The following GML variants were observed in gnomAD, a reference collection of about 807,000 sequenced individuals.
GML encodes glycosylphosphatidylinositol anchored molecule like.
In GML, 5 loss-of-function variants were observed where a neutral mutation model predicts 8.2. The observed-to-expected ratio is 0.61, with a 90% CI of 0.32 to 1.28. GML has a LOEUF of 1.28. GML is among the 50% of genes most tolerant of loss of function. The pLI is 0.06. For synonymous variants in GML, 72 were observed against 69.0 expected (o/e 1.04, Z -0.22); for missense variants, 191 against 198.3 (o/e 0.96, Z 0.22).
intron 3 of GML, among the ~76,000 whole-genome samples, chr8:142,841,999 A>G (rs1245281629): frequency 2.6e-5 from 4 of 152,096 alleles, no homozygotes; most frequent in Non-Finnish European, 4.4e-5. Flanking sequence ...TGGTTTGGCT[A>G]TGTCCCCACC....
At chr8:142,844,622 G>C (rs1181171656) in intron 3 of GML, among the ~76,000 whole-genome samples, 1 of 152,114 alleles carries the variant, frequency 6.6e-6, no homozygotes, top group Non-Finnish European at 1.5e-5. Context: ...ACTGATCAAT[G>C]GAAATTTAAA....
At chr8:142,841,258 A>G in intron 3 of GML, 33 bp downstream of exon 3, 1 of 1,056,952 alleles carries the variant, frequency 9.5e-7, no homozygotes, top group Non-Finnish European at 1.5e-6. Context: ...GACACATTGT[A>G]GATTAGTCCC....
chr8:142,840,640 C>T (rs1212581335), intron 2 of GML, 130 bp downstream of exon 2: 5 of 684,928 alleles, frequency 7.3e-6, no homozygotes, highest in South Asian at 5.0e-5. Flanking sequence ...TCTGTGTAAT[C>T]AGGGGTGGGC....
chr8:142,843,291 CA>C (rs1563859573), intron 3 of GML, among the ~76,000 whole-genome samples: 7 of 137,316 alleles, frequency 5.1e-5, no homozygotes, highest in African/African-American at 1.7e-4. Context: ...CACACACACA[CA>C]CACACACCAT....
chr8:142,839,397 C>T (rs1009327181), intron 1 of GML, among the ~76,000 whole-genome samples: 2 of 152,322 alleles, frequency 1.3e-5, no homozygotes, highest in South Asian at 4.1e-4. Flanking sequence ...CAGGGTGGGG[C>T]AAAGTGGGTA....
intron 1 of GML, among the ~76,000 whole-genome samples, chr8:142,835,186 C>T (rs1816315957): frequency 1.4e-5 from 2 of 147,940 alleles, no homozygotes; most frequent in South Asian, 4.5e-4. Context: ...ACTGGGGGAC[C>T]TCTCGAGCTC....
rs1816507588 is a variant in GML, at chr8:142,846,652, A to G, written c.439A>G (p.Ser147Gly). The change falls in exon 4 of 4, where the codon AGT (serine) becomes GGT (glycine). Residue 147 changes from serine to glycine, a missense_variant. Transcript: ENST00000220940. ...VRLGVSKLLL[S>G]FASIIVSNIL... is the part of the protein sequence containing the mutation. ...GCTGGGGGTATCAAAACTGTTGCTG[A>G]GTTTTGCCTCTATCATAGTCAGCAA... 5.0e-6 allele frequency: 8 copies of G among 1,613,966 alleles called. No individual in the cohort carries two copies. The highest frequency in any genetic ancestry group is 6.8e-6 in the Non-Finnish European group (8 of 1,179,986).
chr8:142,846,018 A>G (rs1006641281), intron 3 of GML, among the ~76,000 whole-genome samples: 1 of 152,248 alleles, frequency 6.6e-6, no homozygotes, highest in Non-Finnish European at 1.5e-5. Context: ...TCTCTAGACC[A>G]TAAGTGAAAC....
chr8:142,844,292 A>G (rs1816475827), intron 3 of GML, among the ~76,000 whole-genome samples: 1 of 152,234 alleles, frequency 6.6e-6, no homozygotes. Context: ...TGCACCATAT[A>G]AAAGAAGCAG....
chr8:142,844,274 A>T (rs1053762656), intron 3 of GML, among the ~76,000 whole-genome samples: 1 of 152,258 alleles, frequency 6.6e-6, no homozygotes, highest in Non-Finnish European at 1.5e-5. Context: ...ATATTTATAC[A>T]CAATATCTGC....
At position 142,846,733 on chromosome 8, in the gene GML, A is replaced by C; in HGVS notation, c.*43A>C. 7.0e-7 allele frequency: 1 copy of C among 1,426,284 alleles called. No individual in the cohort carries two copies. The highest frequency in any genetic ancestry group is 9.8e-7 in the Non-Finnish European group (1 of 1,021,186). 88.4% of individuals were successfully genotyped at this position (1,426,284 alleles called of 1,614,324 possible). ...GTCTGACCATCTTCACCTGTTCCGCAGAGAAATGTTGCTCTCCATTATTCC... is the reference window on the plus strand; with the variant it reads ...GTCTGACCATCTTCACCTGTTCCGCCGAGAAATGTTGCTCTCCATTATTCC... On this transcript the variant is annotated 3_prime_UTR_variant, in exon 4 of 4. Transcript: ENST00000220940.
chr8:142,846,183 A>G (rs369448875), intron 3 of GML, among the ~76,000 whole-genome samples: 9 of 152,342 alleles, frequency 5.9e-5, no homozygotes, highest in East Asian at 3.9e-4. Flanking sequence ...ATAGAAAACT[A>G]TCTCCAGAAG....
At chr8:142,840,568 G>A (rs1435601710) in intron 2 of GML, 58 bp downstream of exon 2, 13 of 1,223,880 alleles carry the variant, frequency 1.1e-5, no homozygotes, top group Middle Eastern at 3.8e-4. Context: ...TGGGGTGCTG[G>A]GGGTCACTGG....
At chr8:142,842,150 A>G (rs1816443124) in intron 3 of GML, among the ~76,000 whole-genome samples, 1 of 152,054 alleles carries the variant, frequency 6.6e-6, no homozygotes, top group South Asian at 2.1e-4. Flanking sequence ...ATGGTTTTAT[A>G]AGGAGCTTTT....
chr8:142,834,901 G>T (rs1255836439), intron 1 of GML, 33 bp downstream of exon 1: 2 of 152,270 alleles, frequency 1.3e-5, no homozygotes, highest in African/African-American at 4.8e-5. Flanking sequence ...GGACCCAGGC[G>T]TGAGACTGGA....
chr8:142,845,244 C>T (rs1816489127), intron 3 of GML, among the ~76,000 whole-genome samples: 1 of 152,158 alleles, frequency 6.6e-6, no homozygotes, highest in East Asian at 1.9e-4. Flanking sequence ...GTTTAGAAGC[C>T]CATACATTTC....
intron 1 of GML, among the ~76,000 whole-genome samples, chr8:142,838,979 G>A (rs1319954762): frequency 6.6e-6 from 1 of 152,208 alleles, no homozygotes; most frequent in African/African-American, 2.4e-5. Flanking sequence ...TTTCCTGCAT[G>A]TGCTCTGGGC....
chr8:142,839,122 C>A (rs2027890), intron 1 of GML, among the ~76,000 whole-genome samples: 4 of 152,168 alleles, frequency 2.6e-5, no homozygotes, highest in African/African-American at 9.7e-5. Context: ...GTGAAGGAGG[C>A]ATCCAGGGAA....
Position 142,841,223 on chromosome 8 carries a change from T to C in GML, c.179T>C (p.Ile60Thr). ...YHIRRCMTIS[I>T]RINSRELLVY... ...ATTAGGCGCTGTATGACAATCTCCA[T>C]TCGTAAGTACCTCTTTGTCATTTTG... Residue 60 changes from isoleucine to threonine, a missense_variant and splice_region_variant, in exon 3 of 4, where the codon ATT becomes ACT. Coordinates refer to ENST00000220940, the MANE Select transcript of GML (RefSeq NM_002066.3). 1 of 1,376,036 alleles carries C rather than the reference T, an allele frequency of 7.3e-7. No individual in the cohort carries two copies. The highest frequency in any genetic ancestry group is 1.0e-6 in the Non-Finnish European group (1 of 964,078). The allele number at this position is 1,376,036 out of a possible 1,614,324, so 85.2% of individuals were successfully genotyped here.
Sources: gnomAD v4.1 joint callset for allele counts (sites outside exome capture counted in the v4.1 genomes callset) on GRCh38, gnomAD v4.1.1 for gene constraint, MANE v1.5 for transcripts, NCBI Gene and HGNC (gene_info 2026-07-23, HGNC 2026-07-21) for gene names.